NOS1: variants seen among roughly 807,000 people sequenced by gnomAD.
NOS1 encodes nitric oxide synthase 1, also known as NOS type I.
NOS1 carries 51 observed loss-of-function variants against 164.5 expected under a neutral mutation model. That is an observed-to-expected ratio of 0.31 (90% CI 0.25 to 0.39). NOS1 has a LOEUF of 0.39. Among genes scored for constraint, NOS1 ranks in the 10% least tolerant of loss-of-function variants. The pLI is 1.00. For synonymous variants in NOS1, 719 were observed against 745.8 expected, an observed-to-expected ratio of 0.96 and a Z score of 0.59; for missense variants, 1,362 against 1,885.6, an observed-to-expected ratio of 0.72 and a Z score of 5.14.
intron 2 of NOS1, among the ~76,000 whole-genome samples, chr12:117,315,645 C>T (rs866071285): frequency 1.3e-5 from 2 of 152,190 alleles, no homozygotes; most frequent in Middle Eastern, 3.2e-3. Flanking sequence ...CTGGATCCAC[C>T]TGTTTGCTGG....
chr12:117,285,435 C>T, intron 6 of NOS1, 103 bp from the exon 7 acceptor site: 1 of 596,750 alleles, frequency 1.7e-6, no homozygotes, highest in Non-Finnish European at 2.9e-6. Flanking sequence ...ACTCCAGCTG[C>T]TGCTACATTG....
intron 3 of NOS1, among the ~76,000 whole-genome samples, chr12:117,310,665 C>T (rs1271490874): frequency 6.6e-6 from 1 of 152,002 alleles, no homozygotes; most frequent in Admixed American, 6.6e-5. Flanking sequence ...TTTTTAGAGA[C>T]AGGGTCTCAC....
In NOS1 at chr12:117,330,701, T is replaced by C. The variant is rs778752900; in HGVS notation, c.369A>G (p.Thr123=). ...CTTTGGTGGGGGGACCCAGGGGCTG[T>C]GTCACCCGGATGGTCTTGGGGGTCC... ...GDGTPKTIRV[T]QPLGPPTKAV... Residue 123 remains threonine, a synonymous_variant, in exon 2 of 29, where the codon ACA becomes ACG. Coordinates refer to ENST00000317775, the MANE Select transcript of NOS1 (RefSeq NM_000620.5). The surrounding 1 kb of genome is among the most constrained non-coding windows in gnomAD (Gnocchi z 4.6). 2 of 1,613,636 alleles carry C rather than the reference T, an allele frequency of 1.2e-6. No homozygotes were observed. The highest frequency in any genetic ancestry group is 1.3e-5 in the African/African-American group (1 of 74,914).
At chr12:117,293,693 C>T (rs866763447) in intron 3 of NOS1, among the ~76,000 whole-genome samples, 2 of 151,372 alleles carry the variant, frequency 1.3e-5, no homozygotes, top group South Asian at 4.2e-4. Flanking sequence ...TGTATTATTA[C>T]TTGTATTACT....
chr12:117,312,016 T>G (rs542305521), intron 2 of NOS1, among the ~76,000 whole-genome samples: 2 of 151,898 alleles, frequency 1.3e-5, no homozygotes, highest in South Asian at 4.2e-4. Context: ...AAGTAGGAGG[T>G]AGGAAGGATA....
At chr12:117,300,671 GA>G (rs1050275656) in intron 3 of NOS1, among the ~76,000 whole-genome samples, 26 of 152,260 alleles carry the variant, frequency 1.7e-4, no homozygotes, top group African/African-American at 6.3e-4. Flanking sequence ...ATCACCCTAA[GA>G]AGTGGGGCAC....
rs1341138962 is a variant in NOS1 at position 117,270,856 on chromosome 12, T to G, written c.1839+1529A>C. On this transcript the variant is annotated intron_variant, in intron 10 of 28. Coordinates refer to ENST00000317775, the MANE Select transcript of NOS1 (RefSeq NM_000620.5). ...TTCGAGACTAGCCTGGCCAACATGG[T>G]GAAACCTCATCTCTACTAAAAATAA... Among the ~76,000 whole-genome samples, 4 of 151,954 alleles carry G rather than the reference T, an allele frequency of 2.6e-5. No individual in the cohort carries two copies. In the East Asian group the frequency reaches 7.8e-4, roughly 29 times the overall value.
At chr12:117,325,477 G>A (rs77241831) in intron 2 of NOS1, among the ~76,000 whole-genome samples, 5,844 of 152,190 alleles carry the variant, frequency 0.038, 168 homozygotes, top group Non-Finnish European at 0.057. Context: ...TAGGGAGGTG[G>A]CATTAGGGGT....
intron 17 of NOS1, among the ~76,000 whole-genome samples, chr12:117,247,803 G>A (rs768495380): frequency 2.6e-5 from 4 of 151,926 alleles, no homozygotes; most frequent in South Asian, 4.1e-4. Context: ...AAAATTAGCC[G>A]GGCATGGTGG....
intron 1 of NOS1, among the ~76,000 whole-genome samples, chr12:117,339,541 A>G (rs1875998189): frequency 6.6e-6 from 1 of 152,206 alleles, no homozygotes; most frequent in Non-Finnish European, 1.5e-5. Flanking sequence ...CCTGCAGGTA[A>G]CCTGAAAGGA....
chr12:117,302,002 T>C (rs1184570118), intron 3 of NOS1: 1 of 456,568 alleles, frequency 2.2e-6, no homozygotes, highest in Non-Finnish European at 4.4e-6. Context: ...TCAAATCCCA[T>C]CTCCAACACT....
chr12:117,353,645 C>T (rs369268473), intron 1 of NOS1, among the ~76,000 whole-genome samples: 3 of 152,122 alleles, frequency 2.0e-5, no homozygotes, highest in East Asian at 1.9e-4. Context: ...AGGGTTCTTG[C>T]GAAGGAAGGG....
At chr12:117,227,900 A>AT (rs1379504713) in intron 22 of NOS1, among the ~76,000 whole-genome samples, 4 of 151,952 alleles carry the variant, frequency 2.6e-5, no homozygotes, top group Non-Finnish European at 1.5e-5. Context: ...GTGGTGGTGG[A>AT]TGTCTGCAGT....
In NOS1 at chr12:117,247,540, G is replaced by C. The variant is rs746407728; in HGVS notation, c.2649-18C>G. Reference sequence around the variant, plus strand: ...CTGAGAACCTGTCAAGGAGATGACAGAATGTTCATGCTAAGGGACTGTGGG... The same window carrying C: ...CTGAGAACCTGTCAAGGAGATGACACAATGTTCATGCTAAGGGACTGTGGG... On this transcript the variant is annotated intron_variant, in intron 17 of 28. Coordinates refer to ENST00000317775, the MANE Select transcript of NOS1 (RefSeq NM_000620.5). 1 of 1,600,960 alleles carries C rather than the reference G, an allele frequency of 6.2e-7. No homozygotes were observed. Among genetic ancestry groups the C allele is most frequent in the South Asian group, 1.1e-5 (1 of 88,822 alleles).
At chr12:117,258,488 C>T in intron 15 of NOS1, 33 bp from the exon 16 acceptor site, 1 of 1,609,842 alleles carries the variant, frequency 6.2e-7, no homozygotes, top group South Asian at 1.1e-5. Context: ...GAAATTAGCA[C>T]ATCTTAGTAA....
intron 7 of NOS1, among the ~76,000 whole-genome samples, chr12:117,281,837 G>GAAAAAA (rs11423140): frequency 2.3e-5 from 3 of 131,742 alleles, no homozygotes; most frequent in Non-Finnish European, 3.2e-5. Flanking sequence ...CTCAAAAAAA[G>GAAAAAA]AAAAAAAAAA....
At chr12:117,241,571 A>G (rs1459985820) in intron 20 of NOS1, among the ~76,000 whole-genome samples, 2 of 151,926 alleles carry the variant, frequency 1.3e-5, no homozygotes. Flanking sequence ...TCAAGACTTG[A>G]AAAGATCTTC....
intron 17 of NOS1, among the ~76,000 whole-genome samples, chr12:117,250,676 C>G (rs1290684413): frequency 6.6e-6 from 1 of 152,060 alleles, no homozygotes; most frequent in African/African-American, 2.4e-5. Context: ...AAAACATTAC[C>G]CTTTTCTTGC....
At chr12:117,215,354 G>A (rs1269303910) in intron 28 of NOS1, 30 bp from the exon 29 acceptor site, 2 of 1,514,188 alleles carry the variant, frequency 1.3e-6, no homozygotes, top group African/African-American at 1.4e-5. Flanking sequence ...GGGGCAGTTA[G>A]TGCCCCAAGG....
Sources: gnomAD v4.1 joint callset for allele counts (sites outside exome capture counted in the v4.1 genomes callset) on GRCh38, gnomAD v4.1.1 for gene constraint, Gnocchi (gnomAD v3.1) non-coding constraint, MANE v1.5 for transcripts, NCBI Gene and HGNC (gene_info 2026-07-23, HGNC 2026-07-21) for gene names.